CHSY3: variants seen among roughly 807,000 people sequenced by gnomAD.
CHSY3 encodes the protein chondroitin sulfate synthase 3, also known as N-acetylgalactosaminyl-proteoglycan 3-beta-glucuronosyltransferase 3.
A neutral mutation model predicts 67.2 loss-of-function variants in CHSY3; 35 were observed. That is an observed-to-expected ratio of 0.52 (90% CI 0.40 to 0.69). The LOEUF (loss-of-function observed/expected upper bound fraction) is 0.69, where lower values mean the gene tolerates loss of function less well. Among genes scored for constraint, CHSY3 ranks in the 30% least tolerant of loss-of-function variants. The pLI is 0.00. For missense variants in CHSY3, 1,069 were observed against 1,138.5 expected (o/e 0.94, Z 0.88); for synonymous variants, 474 against 434.7 (o/e 1.09, Z -1.12).
At chr5:130,079,193 G>A (rs1766368884) in intron 2 of CHSY3, among the ~76,000 whole-genome samples, 1 of 152,018 alleles carries the variant, frequency 6.6e-6, no homozygotes, top group African/African-American at 2.4e-5. Flanking sequence ...TTCCAGCCTG[G>A]ATATAGGCTG....
intron 2 of CHSY3, among the ~76,000 whole-genome samples, chr5:130,164,167 ACTCT>A (rs1372287897): frequency 6.6e-6 from 1 of 152,008 alleles, no homozygotes; most frequent in Non-Finnish European, 1.5e-5. Context: ...AATGTTAAAA[ACTCT>A]CTATCTGTAT....
At chr5:130,119,732 C>A (rs117569436) in intron 2 of CHSY3, among the ~76,000 whole-genome samples, 1 of 152,146 alleles carries the variant, frequency 6.6e-6, no homozygotes, top group Admixed American at 6.5e-5. Context: ...AAAGGAAAGA[C>A]AGGCTTTTCC....
At chr5:130,034,258 A>T (rs1241453395) in intron 2 of CHSY3, among the ~76,000 whole-genome samples, 1 of 152,044 alleles carries the variant, frequency 6.6e-6, no homozygotes, top group Non-Finnish European at 1.5e-5. Context: ...TCATTTTACA[A>T]TTAATATTCT....
chr5:129,992,172 C>T (rs1291740462), intron 2 of CHSY3, among the ~76,000 whole-genome samples: 1 of 152,198 alleles, frequency 6.6e-6, no homozygotes, highest in African/African-American at 2.4e-5. Flanking sequence ...GGCCTGCAAA[C>T]AGTCTTGTTT....
chr5:130,055,287 A>G (rs1443418331), intron 2 of CHSY3, among the ~76,000 whole-genome samples: 2 of 151,942 alleles, frequency 1.3e-5, no homozygotes, highest in African/African-American at 4.8e-5. Context: ...TGTAAAAAAA[A>G]AAAAAAAAGT....
chr5:130,162,669 G>A (rs1769592124), intron 2 of CHSY3, among the ~76,000 whole-genome samples: 1 of 152,004 alleles, frequency 6.6e-6, no homozygotes, highest in South Asian at 2.1e-4. Context: ...TGTGTAGCTA[G>A]GACTACAGGT....
chr5:129,925,542 G>A (rs1388943744), intron 2 of CHSY3, among the ~76,000 whole-genome samples: 6 of 151,996 alleles, frequency 3.9e-5, no homozygotes, highest in East Asian at 1.9e-4. Flanking sequence ...ATTAGCATGC[G>A]TTACCTTGCA....
chr5:130,167,093 T>C (rs962163278), intron 2 of CHSY3, among the ~76,000 whole-genome samples: 1 of 152,152 alleles, frequency 6.6e-6, no homozygotes, highest in Non-Finnish European at 1.5e-5. Flanking sequence ...CTTGTTTGTT[T>C]TCCTTTTTTT....
At chr5:130,019,999 A>G (rs1764320113) in intron 2 of CHSY3, among the ~76,000 whole-genome samples, 1 of 152,184 alleles carries the variant, frequency 6.6e-6, no homozygotes, top group South Asian at 2.1e-4. Context: ...GTACTGAGGA[A>G]TATTAGAACA....
At chr5:129,979,199 CAAAAAAAAA>C (rs58584381) in intron 2 of CHSY3, among the ~76,000 whole-genome samples, 4 of 62,526 alleles carry the variant, frequency 6.4e-5, no homozygotes, top group Admixed American at 2.5e-4. Flanking sequence ...GACTCCGTCT[CAAAAAAAAA>C]AAAAAAAAAA....
chr5:130,141,759 G>T (rs182805534), intron 2 of CHSY3: 6 of 471,330 alleles, frequency 1.3e-5, no homozygotes, highest in African/African-American at 6.1e-5. Flanking sequence ...TTATCAACTG[G>T]CTGGATAAGA....
chr5:130,077,129 T>TA (rs998676087), intron 2 of CHSY3, among the ~76,000 whole-genome samples: 301 of 145,300 alleles, frequency 2.1e-3, no homozygotes, highest in East Asian at 0.012. Flanking sequence ...AAAAAAAATT[T>TA]AAAAAAAAAA....
At chr5:130,085,187 A>G (rs1056798982) in intron 2 of CHSY3, among the ~76,000 whole-genome samples, 2 of 152,000 alleles carry the variant, frequency 1.3e-5, no homozygotes, top group Non-Finnish European at 2.9e-5. Context: ...ACATGTTGAA[A>G]CACTGCATTG....
intron 2 of CHSY3, among the ~76,000 whole-genome samples, chr5:130,007,723 T>C (rs1016122451): frequency 1.3e-5 from 2 of 152,112 alleles, no homozygotes; most frequent in East Asian, 1.9e-4. Context: ...GTATTGCCAG[T>C]TACACTCACG....
chr5:129,955,120 G>A (rs989741177), intron 2 of CHSY3, among the ~76,000 whole-genome samples: 1 of 152,080 alleles, frequency 6.6e-6, no homozygotes, highest in Non-Finnish European at 1.5e-5. Context: ...GCCCACCTTG[G>A]CCTCCCAAAG....
At chr5:129,957,223 A>G (rs528372949) in intron 2 of CHSY3, among the ~76,000 whole-genome samples, 2 of 152,106 alleles carry the variant, frequency 1.3e-5, no homozygotes, top group South Asian at 2.1e-4. Context: ...TTCTTTTTAT[A>G]GCAATTGTGA....
intron 2 of CHSY3, among the ~76,000 whole-genome samples, chr5:129,942,297 C>T (rs1322022618): frequency 6.6e-6 from 1 of 152,138 alleles, no homozygotes; most frequent in Non-Finnish European, 1.5e-5. Context: ...ACCACAGTAA[C>T]ACTTGTCAAC....
intron 2 of CHSY3, among the ~76,000 whole-genome samples, chr5:129,965,443 G>A (rs1762444070): frequency 6.6e-6 from 1 of 151,914 alleles, no homozygotes; most frequent in Admixed American, 6.6e-5. Flanking sequence ...TTAACTGTCA[G>A]TCCTGGTGGT....
intron 2 of CHSY3, among the ~76,000 whole-genome samples, chr5:129,930,506 G>GT (rs1491214167): frequency 3.1e-5 from 3 of 95,312 alleles, no homozygotes; most frequent in Admixed American, 1.0e-4. Context: ...AGGCATCACT[G>GT]GCGGGGGGGG....
Sources: gnomAD v4.1 joint callset for allele counts (sites outside exome capture counted in the v4.1 genomes callset) on GRCh38, gnomAD v4.1.1 for gene constraint, MANE v1.5 for transcripts, NCBI Gene and HGNC (gene_info 2026-07-23, HGNC 2026-07-21) for gene names.